Variants in DOCK8 observed in about 807,000 individuals in gnomAD.
The protein encoded by DOCK8 is dedicator of cytokinesis protein 8.
A neutral mutation model predicts 245.6 loss-of-function variants in DOCK8; 141 were observed. That is an observed-to-expected ratio of 0.57 (90% CI 0.50 to 0.66). DOCK8 has a LOEUF of 0.66. Among genes scored for constraint, DOCK8 ranks in the 30% least tolerant of loss-of-function variants. DOCK8 has a pLI of 0.00. For synonymous variants in DOCK8, 1,168 were observed against 970.2 expected (o/e 1.20, Z -3.79); for missense variants, 2,965 against 2,603.4 (o/e 1.14, Z -3.02).
At chr9:337,425 C>T (rs1216011721) in intron 12 of DOCK8, among the ~76,000 whole-genome samples, 1 of 152,186 alleles carries the variant, frequency 6.6e-6, no homozygotes, top group Non-Finnish European at 1.5e-5. Flanking sequence ...GTGATACCAA[C>T]TATCCTATTT....
rs200407052 is a variant in DOCK8 at position 401,087 on chromosome 9, TCCA to T, written c.3234+1835_3234+1837del. On this transcript the variant is annotated intron_variant, in intron 26 of 47. Transcript: ENST00000432829. Reference sequence around the variant, plus strand: ...TGTCACCATCATCACCACCACCACCTCCACCACCATCACCACCTCTCCCATCAC... The same window carrying T: ...TGTCACCATCATCACCACCACCACCTCCACCATCACCACCTCTCCCATCAC... Among the ~76,000 whole-genome samples, 105 of 108,956 alleles carry T rather than the reference TCCA, an allele frequency of 9.6e-4. 1 individual carries two copies. The highest frequency in any genetic ancestry group is 2.0e-3 in the Admixed American group (23 of 11,514). The allele number at this position is 108,956 out of a possible 152,430, so 71.5% of individuals were successfully genotyped here.
intron 46 of DOCK8, chr9:459,573 G>C (rs1303988010): frequency 6.6e-6 from 1 of 152,204 alleles, no homozygotes; most frequent in Non-Finnish European, 1.5e-5. Flanking sequence ...CTATGATGTG[G>C]TCATGATGGC....
chr9:279,626 G>C (rs894584542), intron 2 of DOCK8, among the ~76,000 whole-genome samples: 9 of 152,228 alleles, frequency 5.9e-5, no homozygotes, highest in African/African-American at 1.4e-4. Flanking sequence ...AGTATGTCAA[G>C]AGGGAGAGAG....
chr9:378,510 A>G (rs12352256), intron 20 of DOCK8, among the ~76,000 whole-genome samples: 19,386 of 152,202 alleles, frequency 0.13, 2,537 homozygotes, highest in African/African-American at 0.34. Context: ...CCACAGATCA[A>G]ACGTCCTGTG....
At chr9:442,455 G>C (rs1331583933) in intron 42 of DOCK8, among the ~76,000 whole-genome samples, 1 of 152,142 alleles carries the variant, frequency 6.6e-6, no homozygotes, top group Non-Finnish European at 1.5e-5. Flanking sequence ...CATCCTTTAG[G>C]TATCACTGGA....
At position 434,855 on chromosome 9, in the gene DOCK8, C is replaced by A. The variant is rs780758230; in HGVS notation, c.4959C>A (p.Thr1653=). 1 of 1,614,088 alleles carries A rather than the reference C, an allele frequency of 6.2e-7. No homozygotes were observed. Among genetic ancestry groups the A allele is most frequent in the Non-Finnish European group, 8.5e-7 (1 of 1,180,038 alleles). ...TWLQNMAEKH[T]KKKCYTEAAM... ...TCCAGAACATGGCAGAGAAACACAC[C>A]AAGAAGAAGTGCTACACGGAGGCTG... is the stretch of plus-strand genomic sequence containing the variant. The change falls in exon 39 of 48, where the codon ACC becomes ACA. Residue 1653 remains threonine, a synonymous_variant. Coordinates refer to ENST00000432829, the MANE Select transcript of DOCK8 (RefSeq NM_203447.4).
chr9:412,627 A>G lies in DOCK8; in HGVS notation c.3531-2155A>G, dbSNP rs1317800631. Among the ~76,000 whole-genome samples the G allele has an allele frequency of 3.9e-5, 6 of 152,162 alleles. 1 individual carries two copies. Among genetic ancestry groups the G allele is most frequent in the Admixed American group, 3.9e-4 (6 of 15,274 alleles). On this transcript the variant is annotated intron_variant, in intron 28 of 47. Coordinates refer to ENST00000432829, the MANE Select transcript of DOCK8 (RefSeq NM_203447.4). ...TGTTTCTATACACTTACGATGAGCAATCTGAAAATGAAATTAAGAAAACAA... is the reference window on the plus strand; with the variant it reads ...TGTTTCTATACACTTACGATGAGCAGTCTGAAAATGAAATTAAGAAAACAA...
rs780999573 is a variant in DOCK8, at chr9:311,983, C to T, written c.558C>T (p.Cys186=). Reference sequence around the variant, plus strand: ...GCCCCCGCCACTTAAACGTGCTGTGCGACGTGTCTGGGAAAGGCCCCGTCA... The same window carrying T: ...GCCCCCGCCACTTAAACGTGCTGTGTGACGTGTCTGGGAAAGGCCCCGTCA... ...QAGPRHLNVL[C]DVSGKGPVTA... The change falls in exon 6 of 48, where the codon TGC becomes TGT. Residue 186 remains cysteine, a synonymous_variant. Coordinates refer to ENST00000432829, the MANE Select transcript of DOCK8 (RefSeq NM_203447.4). 18 of 1,613,958 alleles carry T rather than the reference C, an allele frequency of 1.1e-5. No homozygotes were observed. The African/African-American group carries it at 1.5e-4, about 13-fold the overall frequency.
intron 1 of DOCK8, among the ~76,000 whole-genome samples, chr9:223,577 A>T (rs911978175): frequency 8.5e-5 from 13 of 152,056 alleles, no homozygotes; most frequent in Non-Finnish European, 1.6e-4. Context: ...ATTCTCAGGG[A>T]CTGGAGTACA....
intron 33 of DOCK8, among the ~76,000 whole-genome samples, chr9:426,503 A>T (rs1203174757): frequency 1.3e-5 from 2 of 152,140 alleles, no homozygotes; most frequent in African/African-American, 4.8e-5. Flanking sequence ...GCTTCCCCTT[A>T]CTCAGATCTA....
chr9:377,335 C>A, intron 20 of DOCK8, 124 bp downstream of exon 20: 2 of 966,462 alleles, frequency 2.1e-6, no homozygotes, highest in Non-Finnish European at 3.0e-6. Context: ...ATGATGTGTG[C>A]TCAAGGGAGG....
chr9:447,805 A>G (rs1242419178), intron 44 of DOCK8, among the ~76,000 whole-genome samples: 2 of 152,218 alleles, frequency 1.3e-5, no homozygotes, highest in African/African-American at 2.4e-5. Context: ...AGAGTCATCC[A>G]GCAGGTAGTG....
chr9:273,792 TTCTCCTGTAGTTCAAGCA>T, intron 2 of DOCK8, among the ~76,000 whole-genome samples: 1 of 38,996 alleles, frequency 2.6e-5, no homozygotes, highest in Non-Finnish European at 4.4e-5. Flanking sequence ...GTTCAAGCAA[TTCTCCTGTAGTTCAAGCA>T]ATTCTCCTGC....
intron 28 of DOCK8, among the ~76,000 whole-genome samples, chr9:409,297 A>C (rs564796694): frequency 2.6e-4 from 40 of 152,300 alleles, no homozygotes; most frequent in African/African-American, 9.4e-4. Context: ...CGTTAAATCC[A>C]CAGTGTTTTT....
intron 26 of DOCK8, among the ~76,000 whole-genome samples, chr9:401,644 G>C (rs2055108704): frequency 6.6e-6 from 1 of 152,146 alleles, no homozygotes; most frequent in South Asian, 2.1e-4. Context: ...GGTAAAATTT[G>C]AGTTAGGTAT....
rs3739598 is a variant in DOCK8 at position 382,810 on chromosome 9, C to G, written c.2778+125C>G. On this transcript the variant is annotated intron_variant, in intron 22 of 47. Coordinates refer to ENST00000432829, the MANE Select transcript of DOCK8 (RefSeq NM_203447.4). ...CATGCTGGTCGGATGCTTTAATGCT[C>G]AGCTTTGGAGTGATTAACGTTCTTT... The G allele has an allele frequency of 0.27, 344,082 of 1,272,522 alleles. 50,557 individuals carry two copies. Among genetic ancestry groups the G allele is most frequent in the South Asian group, 0.36 (28,121 of 77,604 alleles). The allele number at this position is 1,272,522 out of a possible 1,614,324, so 78.8% of individuals were successfully genotyped here.
chr9:312,379 A>C, intron 6 of DOCK8: 1 of 690,838 alleles, frequency 1.4e-6, no homozygotes, highest in African/African-American at 1.7e-5. Flanking sequence ...TAATAATAAC[A>C]ACTGGAATTT....
chr9:289,715 C>T, intron 4 of DOCK8, 134 bp downstream of exon 4: 4 of 693,832 alleles, frequency 5.8e-6, no homozygotes, highest in Non-Finnish European at 9.7e-6. Context: ...TCATGTATGC[C>T]TTCCTTATCC....
At position 430,386 on chromosome 9, in the gene DOCK8, T is replaced by C. The variant is rs182354034; in HGVS notation, c.4626+532T>C. Among the ~76,000 whole-genome samples the C allele has an allele frequency of 1.9e-3, 279 of 150,666 alleles. 1 individual carries two copies. Among genetic ancestry groups the C allele is most frequent in the Non-Finnish European group, 2.7e-3 (183 of 67,644 alleles). On this transcript the variant is annotated intron_variant, in intron 36 of 47. Coordinates refer to ENST00000432829, the MANE Select transcript of DOCK8 (RefSeq NM_203447.4). ...GAGACTTCATTTCAAAAAATAATAA[T>C]AATAAAATAAAATAACCAGGTGCAG...
Sources: gnomAD v4.1 joint callset for allele counts (sites outside exome capture counted in the v4.1 genomes callset) on GRCh38, gnomAD v4.1.1 for gene constraint, MANE v1.5 for transcripts, NCBI Gene and HGNC (gene_info 2026-07-23, HGNC 2026-07-21) for gene names.